The following ENTPD4 variants were observed in gnomAD, a reference collection of about 807,000 sequenced individuals.
ENTPD4 encodes Golgi UDPase.
Under a neutral mutation model 79.1 loss-of-function variants are expected in ENTPD4, and 60 were observed. The observed-to-expected ratio is 0.76, with a 90% CI of 0.62 to 0.94. ENTPD4 has a LOEUF of 0.94. Ranked by LOEUF, ENTPD4 falls within the 40% of genes least tolerant of loss-of-function variation. The pLI is 0.00. For missense variants in ENTPD4, 772 were observed against 775.1 expected, an observed-to-expected ratio of 1.00 and a Z score of 0.05; for synonymous variants, 276 against 292.0, an observed-to-expected ratio of 0.95 and a Z score of 0.56.
chr8:23,439,669 T>A, intron 9 of ENTPD4, 80 bp downstream of exon 9: 1 of 1,339,782 alleles, frequency 7.5e-7, no homozygotes, highest in Non-Finnish European at 1.1e-6. Context: ...ATTGAGTTCT[T>A]CCCACTTTGC....
chr8:23,443,551 C>A (rs895664001), intron 6 of ENTPD4, among the ~76,000 whole-genome samples: 3 of 152,284 alleles, frequency 2.0e-5, no homozygotes, highest in Non-Finnish European at 4.4e-5. Flanking sequence ...ATCAACGTCC[C>A]AGGAAGCCAC....
chr8:23,447,837 G>T lies in ENTPD4; in HGVS notation c.255C>A (p.Pro85=). 2 of 1,614,172 alleles carry T rather than the reference G, an allele frequency of 1.2e-6. No individual in the cohort carries two copies. Among genetic ancestry groups the T allele is most frequent in the Non-Finnish European group, 1.7e-6 (2 of 1,180,030 alleles). ...CCACCACGATCCCATAGTTCACATTGGGGTTATTGGTGTCTGTAGCTTCAA... is the reference window on the plus strand; with the variant it reads ...CCACCACGATCCCATAGTTCACATTTGGGTTATTGGTGTCTGTAGCTTCAA... ...TDIEATDTNN[P]NVNYGIVVDC... Residue 85 remains proline, a synonymous_variant, in exon 4 of 13, where the codon CCC becomes CCA. Coordinates refer to ENST00000358689, the MANE Select transcript of ENTPD4 (RefSeq NM_004901.5).
intron 9 of ENTPD4, among the ~76,000 whole-genome samples, chr8:23,438,366 T>C (rs561251368): frequency 1.3e-5 from 2 of 152,338 alleles, no homozygotes; most frequent in South Asian, 4.1e-4. Context: ...CATCATGCAG[T>C]TGAATGTAAT....
chr8:23,443,763 G>A, intron 6 of ENTPD4, 87 bp downstream of exon 6: 2 of 733,630 alleles, frequency 2.7e-6, no homozygotes, highest in Non-Finnish European at 4.8e-6. Context: ...AAGACAATAG[G>A]AGTATAACAA....
At position 23,434,229 on chromosome 8, in the gene ENTPD4, C is replaced by T. The variant is rs1800513351; in HGVS notation, c.1622+88G>A. 4.6e-6 allele frequency: 7 copies of T among 1,536,286 alleles called. No individual in the cohort carries two copies. In the South Asian group the frequency reaches 8.4e-5, roughly 18 times the overall value. Reference sequence around the variant, plus strand: ...GTGGCCGGCTCTAACAGCAATGCCCCAAACAGCCACAGACCACAGCTGCCA... The same window carrying T: ...GTGGCCGGCTCTAACAGCAATGCCCTAAACAGCCACAGACCACAGCTGCCA... On this transcript the variant is annotated intron_variant, in intron 12 of 12. Coordinates refer to ENST00000358689, the MANE Select transcript of ENTPD4 (RefSeq NM_004901.5).
intron 12 of ENTPD4, chr8:23,433,947 A>G (rs1289622887): frequency 5.3e-6 from 1 of 189,958 alleles, no homozygotes; most frequent in Non-Finnish European, 1.1e-5. Flanking sequence ...TTTCAATATG[A>G]TGGTTTCTTC....
At chr8:23,450,569 C>A (rs1036602946) in intron 1 of ENTPD4, among the ~76,000 whole-genome samples, 2 of 152,220 alleles carry the variant, frequency 1.3e-5, no homozygotes, top group Non-Finnish European at 2.9e-5. Flanking sequence ...CTCGGTCTCA[C>A]AAAGCTGCTT....
chr8:23,433,228 G>A (rs979183358), intron 12 of ENTPD4, 74 bp from the exon 13 acceptor site: 13 of 1,318,716 alleles, frequency 9.9e-6, no homozygotes, highest in South Asian at 5.1e-5. Context: ...ACAGGGGGAC[G>A]GCGGGACCCA....
chr8:23,444,724 C>T, intron 4 of ENTPD4, 118 bp from the exon 5 acceptor site: 1 of 858,400 alleles, frequency 1.2e-6, no homozygotes, highest in Non-Finnish European at 1.8e-6. Context: ...CTTAGTTTTT[C>T]CTATCCTTCT....
intron 9 of ENTPD4, among the ~76,000 whole-genome samples, chr8:23,438,197 AG>A (rs1800605780): frequency 6.6e-6 from 1 of 152,228 alleles, no homozygotes; most frequent in African/African-American, 2.4e-5. Flanking sequence ...CAAAATCTCA[AG>A]TGATGTTGGT....
At chr8:23,454,247 A>T (rs1800914489) in intron 1 of ENTPD4, among the ~76,000 whole-genome samples, 1 of 152,256 alleles carries the variant, frequency 6.6e-6, no homozygotes, top group Admixed American at 6.5e-5. Flanking sequence ...AAAGCCTATC[A>T]GGACACAGGA....
At chr8:23,455,438 G>C (rs1003273400) in intron 1 of ENTPD4, among the ~76,000 whole-genome samples, 1 of 152,228 alleles carries the variant, frequency 6.6e-6, no homozygotes, top group South Asian at 2.1e-4. Context: ...CTGAGAGTGA[G>C]AGGCTGATGT....
chr8:23,444,491 A>G lies in ENTPD4; in HGVS notation c.528T>C (p.Ile176=). Residue 176 remains isoleucine (I), a synonymous_variant, in exon 5 of 13, where the codon ATT becomes ATC. Coordinates refer to ENST00000358689, the MANE Select transcript of ENTPD4 (RefSeq NM_004901.5). ...GGATTCTCATTCCAGCCGTGCAGAGAATGTAGAGAGGTGTCTCTTTGTGTT... is the reference window on the plus strand; with the variant it reads ...GGATTCTCATTCCAGCCGTGCAGAGGATGTAGAGAGGTGTCTCTTTGTGTT... ...RAKHKETPLY[I]LCTAGMRILP... 6.2e-7 allele frequency: 1 copy of G among 1,614,140 alleles called. No individual in the cohort carries two copies. The highest frequency in any genetic ancestry group is 8.5e-7 in the Non-Finnish European group (1 of 1,180,012).
chr8:23,446,082 T>C (rs1800758695), intron 4 of ENTPD4, among the ~76,000 whole-genome samples: 3 of 152,174 alleles, frequency 2.0e-5, no homozygotes, highest in African/African-American at 7.2e-5. Flanking sequence ...TATTAAGAAA[T>C]TTCTAGAGCC....
intron 1 of ENTPD4, among the ~76,000 whole-genome samples, chr8:23,451,555 G>A (rs1353181715): frequency 3.3e-5 from 5 of 152,038 alleles, no homozygotes; most frequent in East Asian, 1.9e-4. Flanking sequence ...TCAGGACCCC[G>A]ATCAGATTAC....
chr8:23,443,080 C>T (rs1800702019), intron 6 of ENTPD4, among the ~76,000 whole-genome samples: 1 of 152,108 alleles, frequency 6.6e-6, no homozygotes. Context: ...GAGCCCCACC[C>T]TTCCCATGCT....
chr8:23,433,954 C>A lies in ENTPD4; in HGVS notation c.1622+363G>T, dbSNP rs141966979. ...TGGTATTATTTCAATATGATGGTTT[C>A]TTCTGTAATCCTATGTATTTATACA... On this transcript the variant is annotated intron_variant, in intron 12 of 12. Transcript: ENST00000358689. The A allele has an allele frequency of 1.1e-3, 214 of 195,840 alleles. 2 individuals are homozygous for A. The highest frequency in any genetic ancestry group is 4.7e-3 in the African/African-American group (202 of 43,356). The allele number at this position is 195,840 out of a possible 1,614,324, so 12.1% of individuals were successfully genotyped here. A position where few individuals can be genotyped will look rare whatever the true frequency, so the allele number is the denominator to read the frequency against.
chr8:23,450,684 T>C (rs1262076833), intron 1 of ENTPD4, among the ~76,000 whole-genome samples: 4 of 152,266 alleles, frequency 2.6e-5, no homozygotes, highest in East Asian at 1.9e-4. Context: ...ACTACTCTTA[T>C]GTTTCCAGGC....
At chr8:23,452,437 T>C (rs571143881) in intron 1 of ENTPD4, among the ~76,000 whole-genome samples, 2 of 152,350 alleles carry the variant, frequency 1.3e-5, no homozygotes, top group South Asian at 4.1e-4. Context: ...AAGAGGTCCC[T>C]CATGATTTAG....
Sources: allele counts gnomAD v4.1 joint callset (sites outside exome capture counted in the v4.1 genomes callset), GRCh38; gene constraint gnomAD v4.1.1; transcripts MANE v1.5; gene names NCBI Gene and HGNC (gene_info 2026-07-23, HGNC 2026-07-21).